The following APBB2 variants were observed in gnomAD, a reference collection of about 807,000 sequenced individuals.
The protein encoded by APBB2 is Fe65-like 1.
In APBB2, 38 loss-of-function variants were observed where a neutral mutation model predicts 82.5. The observed-to-expected ratio is 0.46, with a 90% CI of 0.36 to 0.60. The LOEUF (loss-of-function observed/expected upper bound fraction) is 0.60, where lower values mean the gene tolerates loss of function less well. Ranked by LOEUF, APBB2 falls within the 20% of genes least tolerant of loss-of-function variation. The pLI is 0.00. For synonymous variants in APBB2, 341 were observed against 368.2 expected (o/e 0.93, Z 0.85); for missense variants, 772 against 972.3 (o/e 0.79, Z 2.74).
At chr4:40,865,963 C>T (rs1763946639) in intron 12 of APBB2, among the ~76,000 whole-genome samples, 1 of 152,354 alleles carries the variant, frequency 6.6e-6, no homozygotes, top group East Asian at 1.9e-4. Flanking sequence ...ATGCCAACTG[C>T]TGGTGAGGAT....
chr4:41,173,781 C>T (rs115345942), intron 1 of APBB2, among the ~76,000 whole-genome samples: 3,016 of 152,144 alleles, frequency 0.02, 93 homozygotes, highest in African/African-American at 0.07. Context: ...ATAAGCTATA[C>T]CATCTAGGCT....
At chr4:41,015,155 G>A (rs527265894) in intron 5 of APBB2, among the ~76,000 whole-genome samples, 1 of 152,324 alleles carries the variant, frequency 6.6e-6, no homozygotes, top group African/African-American at 2.4e-5. Context: ...TACAGACTCA[G>A]CTGTTTGCAG....
chr4:40,874,235 A>G (rs1766266450), intron 12 of APBB2, among the ~76,000 whole-genome samples: 1 of 152,246 alleles, frequency 6.6e-6, no homozygotes, highest in South Asian at 2.1e-4. Flanking sequence ...AAAGGGAAAC[A>G]TGATAAACTA....
chr4:40,845,606 A>C (rs2880098), intron 12 of APBB2, among the ~76,000 whole-genome samples: 1 of 149,758 alleles, frequency 6.7e-6, no homozygotes, highest in Admixed American at 6.6e-5. Context: ...AAAAAAAAAA[A>C]AAAAAAAAAC....
intron 2 of APBB2, among the ~76,000 whole-genome samples, chr4:41,120,492 C>T (rs971028598): frequency 2.0e-5 from 3 of 152,170 alleles, no homozygotes; most frequent in Non-Finnish European, 4.4e-5. Flanking sequence ...TCAAAACTTA[C>T]GGGAAATTCA....
intron 17 of APBB2, among the ~76,000 whole-genome samples, chr4:40,820,672 T>C (rs1378568859): frequency 5.3e-5 from 8 of 151,840 alleles, no homozygotes; most frequent in African/African-American, 1.9e-4. Context: ...TCTCAATAAA[T>C]AAATAAATAA....
intron 12 of APBB2, among the ~76,000 whole-genome samples, chr4:40,834,168 G>A (rs1421234796): frequency 6.6e-6 from 1 of 151,876 alleles, no homozygotes; most frequent in Middle Eastern, 3.2e-3. Context: ...GAGGCTAATA[G>A]ATTAGGGAGG....
At chr4:40,929,460 C>G (rs763801940) in intron 10 of APBB2, among the ~76,000 whole-genome samples, 1 of 152,120 alleles carries the variant, frequency 6.6e-6, no homozygotes, top group Non-Finnish European at 1.5e-5. Flanking sequence ...CCACCATGCC[C>G]AGCTAATTGT....
intron 1 of APBB2, among the ~76,000 whole-genome samples, chr4:41,176,970 T>C (rs557869306): frequency 4.1e-5 from 6 of 147,284 alleles, no homozygotes; most frequent in Admixed American, 1.3e-4. Flanking sequence ...ACAAATGCAA[T>C]TGAATGAAAA....
At chr4:41,058,196 A>G (rs1426248796) in intron 4 of APBB2, among the ~76,000 whole-genome samples, 2 of 152,082 alleles carry the variant, frequency 1.3e-5, no homozygotes, top group African/African-American at 2.4e-5. Context: ...AAAGTGATAG[A>G]TCCAGAGCAT....
intron 12 of APBB2, among the ~76,000 whole-genome samples, chr4:40,875,592 T>G (rs1256889165): frequency 1.3e-5 from 2 of 152,268 alleles, no homozygotes; most frequent in African/African-American, 4.8e-5. Flanking sequence ...TGTTTGTGAA[T>G]TCTGGCATGT....
intron 16 of APBB2, 125 bp from the exon 17 acceptor site, chr4:40,822,175 C>T: frequency 8.6e-7 from 1 of 1,165,300 alleles, no homozygotes; most frequent in Non-Finnish European, 1.2e-6. Flanking sequence ...CTGTGTTTTT[C>T]TCGAAAGGCG....
chr4:40,881,528 C>CTTTTTTTTTTTTTTTTTTTTTTTTTTT lies in APBB2; in HGVS notation c.1529+8835_1529+8836insAAAAAAAAAAAAAAAAAAAAAAAAAAA, dbSNP rs148967363. ...TTTCTTTCCTTTTATCTTTTCTTTT[C>CTTTTTTTTTTTTTTTTTTTTTTTTTTT]TTTTTCTTTTTTTTTTTTTTTTTGA... On this transcript the variant is annotated intron_variant, in intron 12 of 17. Coordinates refer to ENST00000508593, the MANE Select transcript of APBB2 (RefSeq NM_004307.2). The CTTTTTTTTTTTTTTTTTTTTTTTTTTT allele has an allele frequency of 5.8e-5, 9 of 154,430 alleles. 2 individuals carry two copies. Among genetic ancestry groups the CTTTTTTTTTTTTTTTTTTTTTTTTTTT allele is most frequent in the African/African-American group, 2.6e-4 (8 of 31,064 alleles). 9.6% of individuals were successfully genotyped at this position (154,430 alleles called of 1,614,324 possible). A position where few individuals can be genotyped will look rare whatever the true frequency, so the allele number is the denominator to read the frequency against.
At position 40,925,932 on chromosome 4, in the gene APBB2, C is replaced by G. The variant is rs116220343; in HGVS notation, c.1254+8524G>C. Among the ~76,000 whole-genome samples, 863 of 152,280 alleles carry G rather than the reference C, an allele frequency of 5.7e-3. 8 individuals are homozygous for G. Among genetic ancestry groups the G allele is most frequent in the African/African-American group, 0.019 (777 of 41,552 alleles). ...TTCAGTTCAGAAAGCTCCGTCAAAC[C>G]TACTACCCGATGGTTTGTTTCATCT... On this transcript the variant is annotated intron_variant, in intron 10 of 17. Transcript: ENST00000508593.
intron 10 of APBB2, 27 bp downstream of exon 10, chr4:40,934,429 G>A: frequency 6.2e-7 from 1 of 1,602,308 alleles, no homozygotes; most frequent in East Asian, 2.2e-5. Flanking sequence ...AATATAACCT[G>A]GTGGCTGAAA....
rs1759910789 is a variant in APBB2 at position 40,852,826 on chromosome 4, A to C, written c.1530-22249T>G. On this transcript the variant is annotated intron_variant, in intron 12 of 17. Coordinates refer to ENST00000508593, the MANE Select transcript of APBB2 (RefSeq NM_004307.2). ...CAGGTAATTTTTGTATTTTCAGCAG[A>C]GACAAGGTTTTGCCACGTTGCCCAG... 2.6e-5 allele frequency among the ~76,000 whole-genome samples: 4 copies of C among 152,106 alleles called. 1 individual carries two copies. The South Asian group carries it at 8.3e-4, about 32-fold the overall frequency.
rs201763207 is a variant in APBB2 at position 40,961,652 on chromosome 4, GA to G, written c.836-16580del. Among the ~76,000 whole-genome samples, 224 of 42,704 alleles carry G rather than the reference GA, an allele frequency of 5.2e-3. 2 individuals are homozygous for G. Among genetic ancestry groups the G allele is most frequent in the African/African-American group, 0.018 (141 of 7,724 alleles). The allele number at this position is 42,704 out of a possible 152,430, so 28.0% of individuals were successfully genotyped here. ...TAAAACTTAAAGTATAATAATGAAA[GA>G]AAAAAAAAAGATGTAAAAAAAAAAA... On this transcript the variant is annotated intron_variant, in intron 6 of 17. Transcript: ENST00000508593.
intron 2 of APBB2, among the ~76,000 whole-genome samples, chr4:41,130,301 T>C (rs1282271356): frequency 6.6e-6 from 1 of 152,174 alleles, no homozygotes; most frequent in Non-Finnish European, 1.5e-5. Flanking sequence ...ATGAAAAGAA[T>C]GGAATGTGGA....
At chr4:41,185,969 C>G (rs961931686) in intron 1 of APBB2, among the ~76,000 whole-genome samples, 2 of 152,218 alleles carry the variant, frequency 1.3e-5, no homozygotes, top group African/African-American at 4.8e-5. Flanking sequence ...CACCCCCACA[C>G]TAGAGCTACT....
Sources: gnomAD v4.1 joint callset for allele counts (sites outside exome capture counted in the v4.1 genomes callset) on GRCh38, gnomAD v4.1.1 for gene constraint, MANE v1.5 for transcripts, NCBI Gene and HGNC (gene_info 2026-07-23, HGNC 2026-07-21) for gene names.